GLIS3: variants seen among roughly 807,000 people sequenced by gnomAD.
The protein encoded by GLIS3 is zinc finger protein GLIS3.
GLIS3 carries 53 observed loss-of-function variants against 78.6 expected under a neutral mutation model. The ratio of observed to expected loss-of-function variants is 0.67; its 90% CI spans 0.54 to 0.85. The LOEUF (loss-of-function observed/expected upper bound fraction) is 0.85. Ranked by LOEUF, GLIS3 falls within the 40% of genes least tolerant of loss-of-function variation. The probability of loss-of-function intolerance (pLI) is 0.00; values close to 1 mark genes in which losing one functional copy is unlikely to be tolerated. For synonymous variants in GLIS3, 684 were observed against 509.9 expected, an observed-to-expected ratio of 1.34 and a Z score of -4.60; for missense variants, 1,703 against 1,231.1, an observed-to-expected ratio of 1.38 and a Z score of -5.74.
intron 6 of GLIS3, among the ~76,000 whole-genome samples, chr9:3,929,842 G>A (rs927162044): frequency 4.6e-5 from 7 of 152,064 alleles, no homozygotes; most frequent in Admixed American, 3.3e-4. Context: ...AATTAAAGTC[G>A]TAAATAATCT....
intron 2 of GLIS3, among the ~76,000 whole-genome samples, chr9:4,262,720 G>A (rs573030378): frequency 1.3e-5 from 2 of 151,932 alleles, no homozygotes; most frequent in Admixed American, 6.6e-5. Flanking sequence ...TTCTAACTTT[G>A]GAATTAGATG....
chr9:4,024,207 G>C (rs554263320), intron 4 of GLIS3, among the ~76,000 whole-genome samples: 15 of 152,240 alleles, frequency 9.9e-5, no homozygotes, highest in African/African-American at 3.4e-4. Flanking sequence ...CTGTCTGCAG[G>C]TGTTCAGACC....
intron 2 of GLIS3, among the ~76,000 whole-genome samples, chr9:4,175,609 A>G (rs1265951333): frequency 1.3e-5 from 2 of 152,224 alleles, no homozygotes; most frequent in Non-Finnish European, 2.9e-5. Context: ...CAATGCTGGA[A>G]TGATCTATCC....
chr9:3,896,825 C>A (rs1822878724), intron 7 of GLIS3, among the ~76,000 whole-genome samples: 1 of 152,128 alleles, frequency 6.6e-6, no homozygotes, highest in African/African-American at 2.4e-5. Flanking sequence ...AGACACTCCA[C>A]TGATGGCTGG....
intron 2 of GLIS3, among the ~76,000 whole-genome samples, chr9:4,180,970 G>A (rs1817268633): frequency 6.6e-6 from 1 of 152,172 alleles, no homozygotes; most frequent in Non-Finnish European, 1.5e-5. Context: ...CTATTTTGGA[G>A]GTGGGGAACA....
chr9:4,242,944 CT>C (rs1823455399), intron 2 of GLIS3, among the ~76,000 whole-genome samples: 3 of 152,020 alleles, frequency 2.0e-5, no homozygotes, highest in Admixed American at 1.3e-4. Context: ...CACTATATTT[CT>C]ATTAGATAGT....
chr9:4,228,092 C>G (rs370538343), intron 2 of GLIS3, among the ~76,000 whole-genome samples: 1 of 149,854 alleles, frequency 6.7e-6, no homozygotes, highest in Admixed American at 6.7e-5. Flanking sequence ...GAGAATCACA[C>G]AGTTATCAAG....
chr9:3,900,741 T>G (rs1489426056), intron 6 of GLIS3: 2 of 152,152 alleles, frequency 1.3e-5, no homozygotes, highest in Non-Finnish European at 2.9e-5. Flanking sequence ...AGTAATATAA[T>G]TGAACATTAC....
chr9:4,299,122 A>T (rs1213965627), intron 1 of GLIS3, among the ~76,000 whole-genome samples: 1 of 152,076 alleles, frequency 6.6e-6, no homozygotes, highest in African/African-American at 2.4e-5. Context: ...GAATTAGCGC[A>T]ACTTTAAAGC....
the GLIS3 span, among the ~76,000 whole-genome samples, chr9:4,409,305 A>G: frequency 1.3e-5 from 2 of 152,326 alleles, no homozygotes; most frequent in African/African-American, 4.8e-5. Flanking sequence ...GACAAAGTAA[A>G]CTTTAACAGG....
At chr9:4,093,140 G>A (rs1002617703) in intron 4 of GLIS3, among the ~76,000 whole-genome samples, 3 of 152,242 alleles carry the variant, frequency 2.0e-5, no homozygotes, top group South Asian at 2.1e-4. Flanking sequence ...TGAGAAAAAT[G>A]AGGTACTAAG....
intron 2 of GLIS3, among the ~76,000 whole-genome samples, chr9:4,320,169 A>T (rs560311845): frequency 6.6e-6 from 1 of 152,306 alleles, no homozygotes; most frequent in African/African-American, 2.4e-5. Context: ...TTGACATGTC[A>T]TGTTTTTTAT....
intron 2 of GLIS3, among the ~76,000 whole-genome samples, chr9:4,345,856 CT>C (rs1486550100): frequency 6.6e-6 from 1 of 152,118 alleles, no homozygotes; most frequent in African/African-American, 2.4e-5. Flanking sequence ...AATGACACGT[CT>C]TTTTTTCTTG....
intron 2 of GLIS3, among the ~76,000 whole-genome samples, chr9:4,159,493 T>A (rs1586838001): frequency 6.6e-6 from 1 of 151,970 alleles, no homozygotes; most frequent in Non-Finnish European, 1.5e-5. Flanking sequence ...CCGAGGCAGG[T>A]GGATCACTTG....
At chr9:4,202,628 C>A (rs1019087528) in intron 2 of GLIS3, among the ~76,000 whole-genome samples, 3 of 151,934 alleles carry the variant, frequency 2.0e-5, no homozygotes, top group African/African-American at 4.8e-5. Context: ...GACACACAGA[C>A]CAATGGAATA....
chr9:3,881,528 C>G (rs976806791), intron 7 of GLIS3, among the ~76,000 whole-genome samples: 2 of 152,170 alleles, frequency 1.3e-5, no homozygotes, highest in African/African-American at 4.8e-5. Context: ...ATTAGCTATA[C>G]TTGGCATTAG....
intron 6 of GLIS3, among the ~76,000 whole-genome samples, chr9:3,919,717 G>A (rs1430643969): frequency 6.6e-6 from 1 of 151,596 alleles, no homozygotes; most frequent in Non-Finnish European, 1.5e-5. Flanking sequence ...TACCCCAACT[G>A]GATGGTACTA....
At chr9:4,245,115 T>C (rs1000195376) in intron 2 of GLIS3, among the ~76,000 whole-genome samples, 3 of 152,188 alleles carry the variant, frequency 2.0e-5, no homozygotes, top group African/African-American at 7.2e-5. Flanking sequence ...TCTAGGTATG[T>C]ATGTATCACA....
rs1828855077 is a variant in GLIS3, at chr9:4,084,545, A to G, written c.1710+33223T>C. Among the ~76,000 whole-genome samples the G allele has an allele frequency of 2.0e-5, 3 of 152,254 alleles. 1 individual carries two copies. In the South Asian group the frequency reaches 6.2e-4, roughly 32 times the overall value. On this transcript the variant is annotated intron_variant, in intron 4 of 10. Coordinates refer to ENST00000381971, the MANE Select transcript of GLIS3 (RefSeq NM_001042413.2). ...GGGAGGAGGTGGAAGTGGGTGACGG[A>G]GACATGGAGCCAGAAACAGAGCTGT...
Sources: allele counts gnomAD v4.1 joint callset (sites outside exome capture counted in the v4.1 genomes callset), GRCh38; gene constraint gnomAD v4.1.1; transcripts MANE v1.5; gene names NCBI Gene and HGNC (gene_info 2026-07-23, HGNC 2026-07-21).